ADGRE1: variants seen among roughly 807,000 people sequenced by gnomAD.
ADGRE1 encodes the protein adhesion G protein-coupled receptor E1.
Under a neutral mutation model 102.7 loss-of-function variants are expected in ADGRE1, and 82 were observed. The ratio of observed to expected loss-of-function variants is 0.80; its 90% confidence interval spans 0.67 to 0.96. The LOEUF is 0.96. ADGRE1 is among the 40% of genes least tolerant of loss of function. ADGRE1 has a pLI of 0.00. For missense variants in ADGRE1, 1,032 were observed against 1,085.3 expected (o/e 0.95, Z 0.69); for synonymous variants, 398 against 399.6 (o/e 1.00, Z 0.05).
At chr19:6,936,708 C>T (rs868170920) in intron 18 of ADGRE1, among the ~76,000 whole-genome samples, 17 of 151,582 alleles carry the variant, frequency 1.1e-4, no homozygotes, top group South Asian at 6.3e-4. Flanking sequence ...CTGCAACCTC[C>T]GCCTCCCAGG....
At position 6,908,684 on chromosome 19, in the gene ADGRE1, C is replaced by T. The variant is rs371650755; in HGVS notation, c.1039-5C>T. 216 of 1,553,912 alleles carry T rather than the reference C, an allele frequency of 1.4e-4. 2 individuals are homozygous for T. Among genetic ancestry groups the T allele is most frequent in the African/African-American group, 8.3e-4 (59 of 70,762 alleles). ...ATGCTCTTTTTTTTTTTTTCTGGGA[C>T]GCAGGTCTCCTTTTGTGCACAAATA... On this transcript the variant is annotated splice_polypyrimidine_tract_variant and splice_region_variant and intron_variant, in intron 9 of 20. Coordinates refer to ENST00000312053, the MANE Select transcript of ADGRE1 (RefSeq NM_001974.5).
intron 17 of ADGRE1, among the ~76,000 whole-genome samples, chr19:6,933,189 C>G (rs944132896): frequency 6.6e-6 from 1 of 152,142 alleles, no homozygotes; most frequent in African/African-American, 2.4e-5. Context: ...CCATTGCACT[C>G]CAGCCTGGGA....
intron 17 of ADGRE1, among the ~76,000 whole-genome samples, chr19:6,933,116 G>C (rs1301786271): frequency 6.6e-6 from 1 of 152,128 alleles, no homozygotes; most frequent in East Asian, 1.9e-4. Context: ...AGCTACTCAG[G>C]AGGCTGAGGC....
At chr19:6,894,725 C>T (rs1973489312) in intron 2 of ADGRE1, among the ~76,000 whole-genome samples, 1 of 152,020 alleles carries the variant, frequency 6.6e-6, no homozygotes, top group African/African-American at 2.4e-5. Flanking sequence ...CAGAGATGAC[C>T]ATGGTGTGGA....
At chr19:6,916,644 T>C (rs954381026) in intron 12 of ADGRE1, among the ~76,000 whole-genome samples, 10 of 152,094 alleles carry the variant, frequency 6.6e-5, no homozygotes, top group African/African-American at 2.4e-4. Context: ...GGTTGAGAGG[T>C]ACTGTAAACC....
intron 11 of ADGRE1, among the ~76,000 whole-genome samples, chr19:6,915,054 G>A (rs1360240649): frequency 6.6e-6 from 1 of 151,710 alleles, no homozygotes; most frequent in Admixed American, 6.6e-5. Context: ...CACCTAGGCT[G>A]GAGTGCAGTG....
In ADGRE1 at chr19:6,915,920, CAAAAAAAAA is replaced by C. The variant is rs67370670; in HGVS notation, c.1301-311_1301-303del. On this transcript the variant is annotated intron_variant, in intron 11 of 20. Transcript: ENST00000312053. ...TAAGTGACAGAGTGAGACTCCGTCTCAAAAAAAAAAAAAAAAAAAAAAAAAACTTAGAGA... is the reference window on the plus strand; with the variant it reads ...TAAGTGACAGAGTGAGACTCCGTCTCAAAAAAAAAAAAAAAAACTTAGAGA... 3.2e-4 allele frequency among the ~76,000 whole-genome samples: 19 copies of C among 59,172 alleles called. No individual in the cohort carries two copies. The Admixed American group carries it at 3.7e-3, about 12-fold the overall frequency. The allele number at this position is 59,172 out of a possible 152,430, so 38.8% of individuals were successfully genotyped here.
Position 6,901,204 on chromosome 19 carries a change from C to T in ADGRE1, c.515-671C>T, listed in dbSNP as rs561293722. On this transcript the variant is annotated intron_variant, in intron 5 of 20. Transcript: ENST00000312053. ...TTCACCATGTAGCTACACCTAGCTG[C>T]AAGAGAAGCTGGGAATGCAGTCCTC... Among the ~76,000 whole-genome samples the T allele has an allele frequency of 3.9e-5, 6 of 152,308 alleles. No homozygotes were observed. The South Asian group carries it at 1.2e-3, about 32-fold the overall frequency.
rs959822297 is a variant in ADGRE1 at position 6,920,118 on chromosome 19, T to G, written c.1620+371T>G. On this transcript the variant is annotated intron_variant, in intron 13 of 20. Coordinates refer to ENST00000312053, the MANE Select transcript of ADGRE1 (RefSeq NM_001974.5). ...GGTGGGTAATGAACTGCAATCTGAT[T>G]GCATCTTACAATGAAGTGATGCAGG... Among the ~76,000 whole-genome samples the G allele has an allele frequency of 2.0e-5, 3 of 152,148 alleles. No homozygotes were observed. In the East Asian group the frequency reaches 5.8e-4, roughly 29 times the overall value.
intron 17 of ADGRE1, among the ~76,000 whole-genome samples, chr19:6,930,491 G>T (rs1295200963): frequency 1.3e-5 from 2 of 151,964 alleles, no homozygotes; most frequent in African/African-American, 4.8e-5. Context: ...TATTTATGGG[G>T]TATATGAAAT....
chr19:6,925,936 G>A (rs111560960), intron 15 of ADGRE1, among the ~76,000 whole-genome samples: 2 of 151,926 alleles, frequency 1.3e-5, no homozygotes, highest in Admixed American at 6.6e-5. Context: ...GGGCTTGAGC[G>A]ATCTGCCTGC....
intron 17 of ADGRE1, among the ~76,000 whole-genome samples, chr19:6,931,919 G>A (rs920964991): frequency 5.9e-5 from 9 of 151,534 alleles, no homozygotes; most frequent in Admixed American, 1.3e-4. Flanking sequence ...GTCTTGGGGC[G>A]CCTGGCCCCA....
rs148958063 is a variant in ADGRE1 at position 6,937,239 on chromosome 19, C to T, written c.2382-4C>T. 9.3e-4 allele frequency: 1,501 copies of T among 1,612,544 alleles called. 12 individuals are homozygous for T. In the African/African-American group the frequency reaches 0.016, roughly 17 times the overall value. On this transcript the variant is annotated splice_region_variant and splice_polypyrimidine_tract_variant and intron_variant, in intron 18 of 20. Coordinates refer to ENST00000312053, the MANE Select transcript of ADGRE1 (RefSeq NM_001974.5). Reference sequence around the variant, plus strand: ...GCCTTACATGCTGTACATCTTCTCCCCAGGTTACTGACCTTCAAGGCCTTT... The same window carrying T: ...GCCTTACATGCTGTACATCTTCTCCTCAGGTTACTGACCTTCAAGGCCTTT...
At chr19:6,892,085 T>C (rs776553436) in intron 2 of ADGRE1, among the ~76,000 whole-genome samples, 1 of 151,976 alleles carries the variant, frequency 6.6e-6, no homozygotes, top group East Asian at 1.9e-4. Context: ...AAGAGAATGA[T>C]GGGAAACTTA....
At chr19:6,918,488 G>A (rs972299112) in intron 12 of ADGRE1, among the ~76,000 whole-genome samples, 2 of 152,088 alleles carry the variant, frequency 1.3e-5, no homozygotes, top group African/African-American at 2.4e-5. Flanking sequence ...ATGATGTCTG[G>A]GGGGACATCC....
Position 6,937,369 on chromosome 19 carries a change from G to A in ADGRE1, c.2508G>A (p.Gln836=), listed in dbSNP as rs1420275439. 4 of 1,613,976 alleles carry A rather than the reference G, an allele frequency of 2.5e-6. No individual in the cohort carries two copies. Among genetic ancestry groups the A allele is most frequent in the South Asian group, 1.1e-5 (1 of 91,074 alleles). ...AYLFTIINSL[Q]GAFIFLIHCL... is the part of the protein sequence containing the mutation. ...TGTTCACCATCATCAACAGCCTGCAGGGGGCCTTCATCTTCCTCATCCACT... is the reference window on the plus strand; with the variant it reads ...TGTTCACCATCATCAACAGCCTGCAAGGGGCCTTCATCTTCCTCATCCACT... The change falls in exon 19 of 21, where the codon CAG becomes CAA. Residue 836 remains glutamine (Q), a synonymous_variant. Transcript: ENST00000312053.
chr19:6,906,128 T>G (rs1973943229), intron 8 of ADGRE1, among the ~76,000 whole-genome samples: 1 of 152,154 alleles, frequency 6.6e-6, no homozygotes, highest in African/African-American at 2.4e-5. Context: ...GTGTAAGCTG[T>G]GCAGGGACAT....
chr19:6,908,705 A>G lies in ADGRE1; in HGVS notation c.1055A>G (p.Gln352Arg), dbSNP rs777953143. 3 of 1,601,862 alleles carry G rather than the reference A, an allele frequency of 1.9e-6. No homozygotes were observed. The African/African-American group carries it at 4.1e-5, about 22-fold the overall frequency. The change falls in exon 10 of 21, where the codon CAA becomes CGA. Residue 352 changes from glutamine (Q) to arginine (R), a missense_variant. By Grantham distance (43) the Gln-to-Arg change is conservative. Transcript: ENST00000312053. ...GGGACGCAGGTCTCCTTTTGTGCAC[A>G]AATAAATAACATCTTCAGCGTTCTG... ...VKPAYVSFCA[Q>R]INNIFSVLDK...
At chr19:6,929,096 T>C (rs1413775242) in intron 17 of ADGRE1, among the ~76,000 whole-genome samples, 2 of 152,192 alleles carry the variant, frequency 1.3e-5, no homozygotes. Flanking sequence ...CACAGGTCCA[T>C]GAGTCTCTCT....
Sources: gnomAD v4.1 joint callset for allele counts (sites outside exome capture counted in the v4.1 genomes callset) on GRCh38, gnomAD v4.1.1 for gene constraint, MANE v1.5 for transcripts, NCBI Gene and HGNC (gene_info 2026-07-23, HGNC 2026-07-21) for gene names.